Variants in CPQ observed in about 807,000 individuals in gnomAD.
The protein encoded by CPQ is Ser-Met dipeptidase.
CPQ carries 37 observed loss-of-function variants against 45.7 expected under a neutral mutation model. The observed-to-expected ratio is 0.81, with a 90% CI of 0.62 to 1.07. The LOEUF (loss-of-function observed/expected upper bound fraction) is 1.07, where lower values mean the gene tolerates loss of function less well. Among genes scored for constraint, CPQ ranks in the 50% least tolerant of loss-of-function variants. The pLI is 0.00. For missense variants in CPQ, 537 were observed against 572.9 expected, an observed-to-expected ratio of 0.94 and a Z score of 0.64; for synonymous variants, 186 against 205.8, an observed-to-expected ratio of 0.90 and a Z score of 0.82.
At chr8:96,851,501 AC>A (rs1811770626) in intron 3 of CPQ, among the ~76,000 whole-genome samples, 1 of 152,112 alleles carries the variant, frequency 6.6e-6, no homozygotes, top group African/African-American at 2.4e-5. Context: ...CCAAGATGGC[AC>A]CTTATTTCTT....
chr8:96,719,512 C>T (rs1236714129), intron 1 of CPQ, among the ~76,000 whole-genome samples: 1 of 152,216 alleles, frequency 6.6e-6, no homozygotes, highest in Non-Finnish European at 1.5e-5. Flanking sequence ...CTGGCCTTGG[C>T]CAGCCCAGAA....
At chr8:96,655,653 G>A (rs1202966224) in intron 1 of CPQ, among the ~76,000 whole-genome samples, 2 of 152,134 alleles carry the variant, frequency 1.3e-5, no homozygotes, top group African/African-American at 4.8e-5. Flanking sequence ...TAAACCCATA[G>A]TAATTTCAAA....
At position 96,675,567 on chromosome 8, in the gene CPQ, G is replaced by T. The variant is rs564205730; in HGVS notation, c.-35+30165G>T. On this transcript the variant is annotated intron_variant, in intron 1 of 7. Transcript: ENST00000220763. ...CAGATCATTTTGTGTGAGTGTATCTGCAGGATAATTTCTAGAAGAGGAATA... is the reference window on the plus strand; with the variant it reads ...CAGATCATTTTGTGTGAGTGTATCTTCAGGATAATTTCTAGAAGAGGAATA... Among the ~76,000 whole-genome samples the T allele has an allele frequency of 2.0e-5, 3 of 152,118 alleles. No homozygotes were observed. In the South Asian group the frequency reaches 6.2e-4, roughly 32 times the overall value.
chr8:96,885,213 G>A (rs370732831), intron 4 of CPQ, among the ~76,000 whole-genome samples: 1 of 152,298 alleles, frequency 6.6e-6, no homozygotes. Flanking sequence ...GAGATGGTGA[G>A]AGCAAGAGAG....
At chr8:96,654,454 TTCTC>T (rs911968318) in intron 1 of CPQ, among the ~76,000 whole-genome samples, 14 of 152,164 alleles carry the variant, frequency 9.2e-5, no homozygotes, top group Non-Finnish European at 1.8e-4. Flanking sequence ...TTTCATGATG[TTCTC>T]TCTATCGGGG....
intron 7 of CPQ, among the ~76,000 whole-genome samples, chr8:97,123,283 A>G (rs1374499506): frequency 2.7e-5 from 4 of 147,740 alleles, no homozygotes; most frequent in Non-Finnish European, 6.0e-5. Flanking sequence ...GTGAGTAAAT[A>G]TAAAAGGCAT....
intron 5 of CPQ, among the ~76,000 whole-genome samples, chr8:96,996,194 AG>A (rs1472784876): frequency 6.6e-6 from 1 of 152,044 alleles, no homozygotes; most frequent in Non-Finnish European, 1.5e-5. Flanking sequence ...TCAGTGGAGT[AG>A]GGAAGGTGGA....
chr8:96,711,714 A>G (rs1196043020), intron 1 of CPQ, among the ~76,000 whole-genome samples: 1 of 152,112 alleles, frequency 6.6e-6, no homozygotes, highest in Non-Finnish European at 1.5e-5. Flanking sequence ...ATTACTTCCC[A>G]CTGGGTCCCT....
At chr8:97,065,712 A>T (rs1338237966) in intron 6 of CPQ, among the ~76,000 whole-genome samples, 1 of 152,208 alleles carries the variant, frequency 6.6e-6, no homozygotes, top group Non-Finnish European at 1.5e-5. Context: ...AGTTGAAAGA[A>T]TATTATTGCT....
At chr8:96,958,651 C>A (rs530610745) in intron 4 of CPQ, among the ~76,000 whole-genome samples, 1 of 152,160 alleles carries the variant, frequency 6.6e-6, no homozygotes, top group African/African-American at 2.4e-5. Context: ...GGTTTTCATG[C>A]GCCGCAGATA....
chr8:96,857,870 T>C (rs1811870833), intron 3 of CPQ, among the ~76,000 whole-genome samples: 1 of 152,232 alleles, frequency 6.6e-6, no homozygotes, highest in Non-Finnish European at 1.5e-5. Context: ...TTTAGCATCA[T>C]GCTAAGCAGG....
At chr8:96,658,989 T>G (rs572960134) in intron 1 of CPQ, among the ~76,000 whole-genome samples, 1 of 152,348 alleles carries the variant, frequency 6.6e-6, no homozygotes, top group African/African-American at 2.4e-5. Flanking sequence ...TGTGGTATTT[T>G]GTTACAGCAG....
chr8:97,027,038 C>A (rs1050312060), intron 5 of CPQ, among the ~76,000 whole-genome samples: 4 of 151,502 alleles, frequency 2.6e-5, no homozygotes, highest in African/African-American at 9.7e-5. Context: ...TTTTTCTTTT[C>A]TTGTGGATTT....
intron 4 of CPQ, among the ~76,000 whole-genome samples, chr8:96,953,563 G>T (rs954951738): frequency 6.6e-6 from 1 of 152,008 alleles, no homozygotes; most frequent in Non-Finnish European, 1.5e-5. Flanking sequence ...AATCCTGTCA[G>T]TTCTTTTCTG....
At chr8:96,997,400 C>A (rs1306679366) in intron 5 of CPQ, among the ~76,000 whole-genome samples, 2 of 151,898 alleles carry the variant, frequency 1.3e-5, no homozygotes, top group African/African-American at 4.8e-5. Context: ...GTAACATAGC[C>A]TATTCATTTC....
At chr8:97,124,218 T>A in intron 7 of CPQ, among the ~76,000 whole-genome samples, 1 of 79,678 alleles carries the variant, frequency 1.3e-5, no homozygotes, top group East Asian at 4.4e-4. Flanking sequence ...AGAGCAAGAC[T>A]CCGTCTCAAA....
At chr8:97,094,083 T>TC (rs5893409) in intron 7 of CPQ, among the ~76,000 whole-genome samples, 76,642 of 151,806 alleles carry the variant, frequency 0.5, 21,382 homozygotes, top group Non-Finnish European at 0.63. Flanking sequence ...TTTCTTTTTT[T>TC]CTCTTTGCAG....
At chr8:96,992,796 A>G (rs1809117658) in intron 5 of CPQ, among the ~76,000 whole-genome samples, 1 of 152,208 alleles carries the variant, frequency 6.6e-6, no homozygotes, top group Non-Finnish European at 1.5e-5. Context: ...TGGTGGAATT[A>G]GACTTCAGTC....
intron 3 of CPQ, among the ~76,000 whole-genome samples, chr8:96,858,848 G>T (rs184968910): frequency 6.6e-6 from 1 of 152,282 alleles, no homozygotes; most frequent in East Asian, 1.9e-4. Flanking sequence ...ATGTGAGTTT[G>T]ATCTATATTC....
Sources: gnomAD v4.1 joint callset for allele counts (sites outside exome capture counted in the v4.1 genomes callset) on GRCh38, gnomAD v4.1.1 for gene constraint, MANE v1.5 for transcripts, NCBI Gene and HGNC (gene_info 2026-07-23, HGNC 2026-07-21) for gene names.